The following UPP2 variants were observed in gnomAD, a reference collection of about 807,000 sequenced individuals.
The protein encoded by UPP2 is uridine phosphorylase 2.
Under a neutral mutation model 26.7 loss-of-function variants are expected in UPP2, and 23 were observed. That is an observed-to-expected ratio of 0.86 (90% CI 0.62 to 1.22). UPP2 has a LOEUF of 1.22. Ranked by LOEUF, UPP2 falls within the 50% of genes most tolerant of loss-of-function variation. The pLI is 0.00. For synonymous variants in UPP2, 127 were observed against 141.3 expected, an observed-to-expected ratio of 0.90 and a Z score of 0.72; for missense variants, 387 against 396.7, an observed-to-expected ratio of 0.98 and a Z score of 0.21.
Position 158,092,866 on chromosome 2 carries a change from G to C in UPP2, c.148-9174G>C, listed in dbSNP as rs187531017. ...TTGTTGAAATGTAAGGGTAACTATT[G>C]AAAGAATAGAAATAAAATATATAAC... On this transcript the variant is annotated intron_variant, in intron 3 of 9. Transcript: ENST00000605860. Among the ~76,000 whole-genome samples the C allele has an allele frequency of 3.7e-3, 565 of 152,216 alleles. 5 individuals are homozygous for C. The highest frequency in any genetic ancestry group is 0.013 in the African/African-American group (545 of 41,524).
chr2:158,058,057 G>T (rs2105176328), intron 3 of UPP2, among the ~76,000 whole-genome samples: 1 of 152,196 alleles, frequency 6.6e-6, no homozygotes, highest in East Asian at 1.9e-4. Flanking sequence ...CTTTTGGGAG[G>T]CCAAGGCGGG....
intron 3 of UPP2, among the ~76,000 whole-genome samples, chr2:158,029,459 T>TA (rs1192231033): frequency 2.0e-5 from 3 of 152,226 alleles, no homozygotes; most frequent in Non-Finnish European, 4.4e-5. Context: ...GCCATGCAGA[T>TA]ATTAGCTTTA....
chr2:158,124,560 G>A (rs1030457129), intron 6 of UPP2, among the ~76,000 whole-genome samples: 3 of 152,176 alleles, frequency 2.0e-5, no homozygotes, highest in African/African-American at 7.2e-5. Flanking sequence ...TCACAGTGGC[G>A]GCTCAGCTGG....
intron 3 of UPP2, among the ~76,000 whole-genome samples, chr2:158,071,748 GAGA>G (rs1682544737): frequency 6.6e-6 from 1 of 151,968 alleles, no homozygotes; most frequent in African/African-American, 2.4e-5. Flanking sequence ...CCACTGCCTT[GAGA>G]AGAACCAAGT....
chr2:157,999,021 A>T (rs565009370), intron 2 of UPP2, among the ~76,000 whole-genome samples: 1 of 152,152 alleles, frequency 6.6e-6, no homozygotes, highest in Admixed American at 6.5e-5. Flanking sequence ...TTTTTCAGTC[A>T]TTTTTTATCT....
intron 3 of UPP2, among the ~76,000 whole-genome samples, chr2:158,028,497 T>C (rs1683870909): frequency 6.6e-6 from 1 of 152,200 alleles, no homozygotes; most frequent in Non-Finnish European, 1.5e-5. Flanking sequence ...GTCAAAGCCA[T>C]TCAACAAGTC....
intron 2 of UPP2, among the ~76,000 whole-genome samples, chr2:158,114,451 A>C (rs984527523): frequency 2.6e-5 from 4 of 152,220 alleles, no homozygotes; most frequent in Non-Finnish European, 5.9e-5. Flanking sequence ...TGCAACACCT[A>C]TCCTAATTTC....
chr2:158,067,252 G>C (rs1443320040), intron 3 of UPP2, among the ~76,000 whole-genome samples: 1 of 151,924 alleles, frequency 6.6e-6, no homozygotes, highest in African/African-American at 2.4e-5. Flanking sequence ...TATTTATACT[G>C]TCTGGGGATG....
intron 2 of UPP2, among the ~76,000 whole-genome samples, chr2:158,107,779 G>A (rs570263359): frequency 7.2e-5 from 11 of 152,250 alleles, no homozygotes; most frequent in African/African-American, 2.6e-4. Flanking sequence ...GAGGGCATGG[G>A]TGGGTGTCCT....
At chr2:158,089,608 C>T (rs971093981) in intron 3 of UPP2, among the ~76,000 whole-genome samples, 2 of 152,218 alleles carry the variant, frequency 1.3e-5, no homozygotes, top group African/African-American at 4.8e-5. Flanking sequence ...GGCAGCCCTC[C>T]CAAAGGATCC....
chr2:158,071,106 C>G (rs892723463), intron 3 of UPP2, among the ~76,000 whole-genome samples: 1 of 152,170 alleles, frequency 6.6e-6, no homozygotes, highest in Non-Finnish European at 1.5e-5. Context: ...GTCAGGGACA[C>G]AAATACTGCA....
rs150647700 is a variant in UPP2, at chr2:158,080,993, A to T, written c.148-21047A>T. Among the ~76,000 whole-genome samples the T allele has an allele frequency of 3.9e-3, 594 of 152,332 alleles. 6 individuals carry two copies. The highest frequency in any genetic ancestry group is 0.013 in the African/African-American group (554 of 41,584). Reference sequence around the variant, plus strand: ...TTAAAATATTTTCAAATAAAATCTAATGTTAAAAAATGAAGTGTGTCATGC... The same window carrying T: ...TTAAAATATTTTCAAATAAAATCTATTGTTAAAAAATGAAGTGTGTCATGC... On this transcript the variant is annotated intron_variant, in intron 3 of 9. Transcript: ENST00000605860.
chr2:158,056,973 A>T (rs1186463309), intron 3 of UPP2, among the ~76,000 whole-genome samples: 1 of 152,044 alleles, frequency 6.6e-6, no homozygotes, highest in Non-Finnish European at 1.5e-5. Context: ...TCTTCTGATG[A>T]CTCAACAAAA....
At chr2:157,996,867 T>C (rs572123602) in intron 2 of UPP2, among the ~76,000 whole-genome samples, 2 of 152,350 alleles carry the variant, frequency 1.3e-5, no homozygotes, top group African/African-American at 2.4e-5. Context: ...TGTTTTTGAG[T>C]GATAACTTGG....
At chr2:158,123,109 G>T (rs143776523) in intron 5 of UPP2, among the ~76,000 whole-genome samples, 102 of 152,298 alleles carry the variant, frequency 6.7e-4, no homozygotes, top group African/African-American at 2.4e-3. Context: ...CACAGGGTAC[G>T]GAAGGAGTAA....
chr2:158,083,867 T>TATATATATATATATATATATA (rs1553467792), intron 3 of UPP2, among the ~76,000 whole-genome samples: 38 of 145,872 alleles, frequency 2.6e-4, no homozygotes, highest in African/African-American at 8.9e-4. Context: ...TATATGTTTT[T>TATATATATATATATATATATA]TATATATATA....
intron 1 of UPP2, among the ~76,000 whole-genome samples, chr2:158,104,319 G>T (rs796754261): frequency 6.6e-6 from 1 of 152,114 alleles, no homozygotes; most frequent in African/African-American, 2.4e-5. Flanking sequence ...GGACCATAAA[G>T]GAAAATTGGA....
At chr2:158,082,688 C>G (rs992491726) in intron 3 of UPP2, among the ~76,000 whole-genome samples, 4 of 152,124 alleles carry the variant, frequency 2.6e-5, no homozygotes, top group African/African-American at 9.7e-5. Context: ...GCAATGGCAA[C>G]AAAAGCCAAA....
chr2:158,120,485 C>A (rs1683541077), intron 4 of UPP2, among the ~76,000 whole-genome samples: 1 of 151,842 alleles, frequency 6.6e-6, no homozygotes, highest in Admixed American at 6.6e-5. Context: ...CAGAGCTAGA[C>A]CAGGAGAGAG....
Sources: allele counts gnomAD v4.1 joint callset (sites outside exome capture counted in the v4.1 genomes callset), GRCh38; gene constraint gnomAD v4.1.1; transcripts MANE v1.5; gene names NCBI Gene and HGNC (gene_info 2026-07-23, HGNC 2026-07-21).